The following MACROD2 variants were observed in gnomAD, a reference collection of about 807,000 sequenced individuals.
MACROD2 encodes ADP-ribose glycohydrolase MACROD2.
MACROD2 carries 36 observed loss-of-function variants against 70.4 expected under a neutral mutation model. The ratio of observed to expected loss-of-function variants is 0.51; its 90% CI spans 0.39 to 0.68. The LOEUF (loss-of-function observed/expected upper bound fraction) is 0.68. MACROD2 is among the 30% of genes least tolerant of loss of function. The probability of loss-of-function intolerance (pLI) is 0.00; values close to 1 mark genes in which losing one functional copy is unlikely to be tolerated. For synonymous variants in MACROD2, 172 were observed against 178.8 expected, an observed-to-expected ratio of 0.96 and a Z score of 0.30; for missense variants, 496 against 538.4, an observed-to-expected ratio of 0.92 and a Z score of 0.78.
intron 8 of MACROD2, among the ~76,000 whole-genome samples, chr20:15,588,347 TGTG>T (rs1177887328): frequency 6.6e-6 from 1 of 152,144 alleles, no homozygotes; most frequent in African/African-American, 2.4e-5. Flanking sequence ...CCTCTGAGCC[TGTG>T]ATGGGAGGGG....
At chr20:14,252,695 A>G (rs943728707) in intron 3 of MACROD2, among the ~76,000 whole-genome samples, 28 of 152,018 alleles carry the variant, frequency 1.8e-4, no homozygotes, top group Admixed American at 2.0e-4. Flanking sequence ...TTTGAATATT[A>G]TCTCATGTTC....
At chr20:15,463,594 G>T (rs1006798435) in intron 7 of MACROD2, among the ~76,000 whole-genome samples, 1 of 151,914 alleles carries the variant, frequency 6.6e-6, no homozygotes, top group Non-Finnish European at 1.5e-5. Flanking sequence ...TACTAAAAAT[G>T]CAAAACTAGC....
intron 13 of MACROD2, among the ~76,000 whole-genome samples, chr20:15,975,209 C>T (rs2066288294): frequency 6.6e-6 from 1 of 151,870 alleles, no homozygotes; most frequent in Non-Finnish European, 1.5e-5. Flanking sequence ...TCTTTTTGAA[C>T]TAGATAAGAT....
At chr20:15,163,005 C>A in intron 5 of MACROD2, among the ~76,000 whole-genome samples, 1 of 151,894 alleles carries the variant, frequency 6.6e-6, no homozygotes, top group East Asian at 1.9e-4. Flanking sequence ...GGCAGGTAAG[C>A]TGAAAGGTAG....
chr20:14,595,672 A>G (rs1300844405), intron 4 of MACROD2, among the ~76,000 whole-genome samples: 1 of 152,228 alleles, frequency 6.6e-6, no homozygotes, highest in African/African-American at 2.4e-5. Flanking sequence ...AGGATAAATT[A>G]CTAGACACAG....
At chr20:15,442,778 G>A (rs182032460) in intron 7 of MACROD2, among the ~76,000 whole-genome samples, 42 of 127,782 alleles carry the variant, frequency 3.3e-4, no homozygotes, top group Admixed American at 1.3e-3. Flanking sequence ...CAGGTTGCTC[G>A]TAGATAAATT....
At position 14,889,511 on chromosome 20, in the gene MACROD2, A is replaced by AT. The variant is rs2073724743; in HGVS notation, c.418+204556dup. Among the ~76,000 whole-genome samples the AT allele has an allele frequency of 2.0e-5, 3 of 152,216 alleles. No individual in the cohort carries two copies. In the East Asian group the frequency reaches 5.8e-4, roughly 29 times the overall value. ...GGAAAGCCCTTATTGAGAAGAAGAG[A>AT]TTTTAGCAATGACTTAAAAGAGATA... On this transcript the variant is annotated intron_variant, in intron 5 of 17. Coordinates refer to ENST00000684519, the MANE Select transcript of MACROD2 (RefSeq NM_001351661.2).
chr20:14,923,640 G>T (rs1368065252), intron 5 of MACROD2, among the ~76,000 whole-genome samples: 2 of 151,968 alleles, frequency 1.3e-5, no homozygotes, highest in Admixed American at 1.3e-4. Flanking sequence ...CATGGTGTGA[G>T]TTCAAGCAAT....
chr20:15,788,807 A>G (rs1177070021), intron 8 of MACROD2, among the ~76,000 whole-genome samples: 1 of 152,198 alleles, frequency 6.6e-6, no homozygotes, highest in East Asian at 1.9e-4. Flanking sequence ...ATAATAAGTA[A>G]AGATATTATG....
At chr20:14,928,451 A>T (rs2122665562) in intron 5 of MACROD2, among the ~76,000 whole-genome samples, 1 of 152,338 alleles carries the variant, frequency 6.6e-6, no homozygotes, top group East Asian at 1.9e-4. Flanking sequence ...TTGTGATTTG[A>T]AAGATATGCT....
intron 3 of MACROD2, among the ~76,000 whole-genome samples, chr20:14,288,623 A>G (rs1355793463): frequency 6.6e-6 from 1 of 152,042 alleles, no homozygotes; most frequent in Non-Finnish European, 1.5e-5. Flanking sequence ...TGGGAGGTGA[A>G]CCCAATCTTA....
At chr20:15,971,826 C>CA (rs2066235165) in intron 13 of MACROD2, among the ~76,000 whole-genome samples, 2 of 152,062 alleles carry the variant, frequency 1.3e-5, no homozygotes, top group African/African-American at 4.8e-5. Flanking sequence ...GGTAAAATCT[C>CA]AGAGTCTTCA....
intron 5 of MACROD2, among the ~76,000 whole-genome samples, chr20:14,806,450 A>G (rs1265254695): frequency 6.6e-6 from 1 of 152,082 alleles, no homozygotes; most frequent in Non-Finnish European, 1.5e-5. Context: ...CCCACAGACC[A>G]GGAGATTACC....
At chr20:14,410,044 G>A (rs2083733161) in intron 3 of MACROD2, among the ~76,000 whole-genome samples, 1 of 152,080 alleles carries the variant, frequency 6.6e-6, no homozygotes, top group African/African-American at 2.4e-5. Context: ...GGGAGAGAGG[G>A]AGTAGATCAG....
intron 5 of MACROD2, among the ~76,000 whole-genome samples, chr20:14,728,540 A>G (rs1673808696): frequency 1.3e-5 from 2 of 152,340 alleles, no homozygotes; most frequent in South Asian, 4.1e-4. Context: ...CTTACAGAAT[A>G]TGAGACACTA....
chr20:15,220,136 TGAA>T (rs2076846488), intron 5 of MACROD2, among the ~76,000 whole-genome samples: 1 of 152,188 alleles, frequency 6.6e-6, no homozygotes, highest in African/African-American at 2.4e-5. Context: ...AGTCTTTCTA[TGAA>T]GAAACAGCTT....
intron 7 of MACROD2, among the ~76,000 whole-genome samples, chr20:15,450,995 T>A (rs1219678218): frequency 6.6e-6 from 1 of 152,144 alleles, no homozygotes; most frequent in Non-Finnish European, 1.5e-5. Flanking sequence ...GATACAGACA[T>A]TTTCTCATTT....
intron 5 of MACROD2, among the ~76,000 whole-genome samples, chr20:15,174,027 A>G (rs949465783): frequency 6.6e-6 from 1 of 152,216 alleles, no homozygotes; most frequent in Non-Finnish European, 1.5e-5. Flanking sequence ...AGTGCAGCAT[A>G]ATTTATCACT....
chr20:14,696,236 A>G (rs1463924963), intron 5 of MACROD2, among the ~76,000 whole-genome samples: 1 of 152,190 alleles, frequency 6.6e-6, no homozygotes, highest in Non-Finnish European at 1.5e-5. Context: ...CTTAGTAAAG[A>G]AGCATTGAGA....
Sources: allele counts gnomAD v4.1 joint callset (sites outside exome capture counted in the v4.1 genomes callset), GRCh38; gene constraint gnomAD v4.1.1; transcripts MANE v1.5; gene names NCBI Gene and HGNC (gene_info 2026-07-23, HGNC 2026-07-21).